The following MAP2K4 variants were observed in gnomAD, a reference collection of about 807,000 sequenced individuals.
MAP2K4 encodes the protein dual specificity mitogen-activated protein kinase kinase 4.
In MAP2K4, 4 loss-of-function variants were observed where a neutral mutation model predicts 48.5. The observed-to-expected ratio is 0.08, with a 90% CI of 0.04 to 0.19. MAP2K4 has a LOEUF of 0.19. Among genes scored for constraint, MAP2K4 ranks in the 10% least tolerant of loss-of-function variants. MAP2K4 has a pLI of 1.00. For synonymous variants in MAP2K4, 166 were observed against 173.1 expected (o/e 0.96, Z 0.32); for missense variants, 258 against 493.3 (o/e 0.52, Z 4.52).
At chr17:12,023,187 G>C (rs1439961818) in intron 1 of MAP2K4, among the ~76,000 whole-genome samples, 9 of 152,116 alleles carry the variant, frequency 5.9e-5, no homozygotes. Context: ...TTTTTCATTA[G>C]TCAGAATGAA....
intron 9 of MAP2K4, among the ~76,000 whole-genome samples, chr17:12,129,894 A>G (rs1042408027): frequency 1.3e-5 from 2 of 152,228 alleles, no homozygotes; most frequent in African/African-American, 4.8e-5. Context: ...GCACCTAAGA[A>G]TAAACATATG....
intron 9 of MAP2K4, among the ~76,000 whole-genome samples, chr17:12,134,436 A>G (rs887883891): frequency 3.9e-5 from 6 of 152,198 alleles, no homozygotes; most frequent in Non-Finnish European, 8.8e-5. Flanking sequence ...ATGGGGGAAA[A>G]TGGTGGCACA....
At chr17:12,099,837 A>C (rs188927280) in intron 4 of MAP2K4, among the ~76,000 whole-genome samples, 1 of 152,360 alleles carries the variant, frequency 6.6e-6, no homozygotes, top group African/African-American at 2.4e-5. Context: ...ATAAAATTTG[A>C]GAATTTCATA....
chr17:12,106,678 C>T lies in MAP2K4; in HGVS notation c.514-1112C>T, dbSNP rs183303910. Among the ~76,000 whole-genome samples, 323 of 152,164 alleles carry T rather than the reference C, an allele frequency of 2.1e-3. 1 individual carries two copies. The highest frequency in any genetic ancestry group is 7.4e-3 in the African/African-American group (308 of 41,536). On this transcript the variant is annotated intron_variant, in intron 4 of 10. Coordinates refer to ENST00000353533, the MANE Select transcript of MAP2K4 (RefSeq NM_003010.4). ...AGCTGTATTTATAAATAAGTAACAA[C>T]ATACAGAACTGTATAATTTTTTAAA...
intron 1 of MAP2K4, among the ~76,000 whole-genome samples, chr17:12,036,947 G>T (rs1969620093): frequency 6.6e-6 from 1 of 151,986 alleles, no homozygotes; most frequent in Non-Finnish European, 1.5e-5. Context: ...TGGCCGAAGA[G>T]TTCTGGAGCT....
At chr17:12,032,434 C>T in intron 1 of MAP2K4, 3 of 410,150 alleles carry the variant, frequency 7.3e-6, no homozygotes, top group Non-Finnish European at 1.3e-5. Flanking sequence ...TTTCATTCTT[C>T]TTCCAAATAT....
chr17:12,071,436 A>G (rs934412169), intron 2 of MAP2K4, among the ~76,000 whole-genome samples: 1 of 152,162 alleles, frequency 6.6e-6, no homozygotes, highest in East Asian at 1.9e-4. Context: ...AGCCTTTGTG[A>G]CACAAACATA....
intron 7 of MAP2K4, chr17:12,115,966 C>T (rs561777686): frequency 1.2e-5 from 5 of 419,968 alleles, no homozygotes; most frequent in African/African-American, 8.2e-5. Context: ...ACTCTTTTCT[C>T]GTTCTTTTTA....
chr17:12,106,083 G>GA (rs1228073665), intron 4 of MAP2K4, among the ~76,000 whole-genome samples: 1 of 152,018 alleles, frequency 6.6e-6, no homozygotes, highest in Admixed American at 6.6e-5. Context: ...GGAGAGCTTG[G>GA]ATAATGTCAG....
At chr17:12,035,187 ATTAACT>A (rs1969554771) in intron 1 of MAP2K4, among the ~76,000 whole-genome samples, 2 of 152,358 alleles carry the variant, frequency 1.3e-5, no homozygotes, top group South Asian at 2.1e-4. Flanking sequence ...GAATATAGAC[ATTAACT>A]TTATGGTAAA....
At chr17:12,131,770 A>G (rs1973033394) in intron 9 of MAP2K4, among the ~76,000 whole-genome samples, 1 of 152,204 alleles carries the variant, frequency 6.6e-6, no homozygotes, top group Non-Finnish European at 1.5e-5. Flanking sequence ...TCCATTGATT[A>G]AAAGACAGCA....
intron 1 of MAP2K4, among the ~76,000 whole-genome samples, chr17:12,046,874 T>C (rs938229826): frequency 1.3e-5 from 2 of 152,132 alleles, no homozygotes; most frequent in African/African-American, 4.8e-5. Flanking sequence ...AAGCGAGTTT[T>C]GGGCTTTTAA....
At chr17:12,103,212 ATTT>A (rs775147472) in intron 4 of MAP2K4, among the ~76,000 whole-genome samples, 2 of 135,120 alleles carry the variant, frequency 1.5e-5, no homozygotes, top group African/African-American at 2.7e-5. Flanking sequence ...TGCTAATTGA[ATTT>A]TTTTTTTTTT....
intron 7 of MAP2K4, chr17:12,115,884 T>C: frequency 1.6e-6 from 1 of 632,390 alleles, no homozygotes; most frequent in South Asian, 1.5e-5. Flanking sequence ...GGACTGTGTA[T>C]TGGACCTCCT....
chr17:12,101,359 GTTT>G (rs1971930188), intron 4 of MAP2K4, among the ~76,000 whole-genome samples: 1 of 151,788 alleles, frequency 6.6e-6, no homozygotes, highest in African/African-American at 2.4e-5. Context: ...TTGATCTGTT[GTTT>G]TTCTGTCTTT....
intron 2 of MAP2K4, among the ~76,000 whole-genome samples, chr17:12,065,179 G>A: frequency 6.6e-6 from 1 of 151,548 alleles, no homozygotes; most frequent in Non-Finnish European, 1.5e-5. Context: ...ATATGCTTAT[G>A]ATTTGTGCAT....
chr17:12,100,491 G>A (rs1449083807), intron 4 of MAP2K4, among the ~76,000 whole-genome samples: 1 of 151,984 alleles, frequency 6.6e-6, no homozygotes, highest in Non-Finnish European at 1.5e-5. Context: ...ATTGTTTTCA[G>A]TTTTTGTCTG....
At position 12,143,134 on chromosome 17, in the gene MAP2K4, A is replaced by G. The variant is rs1344058810; in HGVS notation, c.*1874A>G. 8.6e-6 allele frequency: 2 copies of G among 232,998 alleles called. No individual in the cohort carries two copies. The highest frequency in any genetic ancestry group is 6.0e-5 in the East Asian group (1 of 16,542). 14.4% of individuals were successfully genotyped at this position (232,998 alleles called of 1,614,324 possible). On this transcript the variant is annotated 3_prime_UTR_variant, in exon 11 of 11. Transcript: ENST00000353533. Reference sequence around the variant, plus strand: ...CTGTTCTGAAAGGAGACATTGCTCTATGTCTGCCTTCGACCACAGCAAGCC... The same window carrying G: ...CTGTTCTGAAAGGAGACATTGCTCTGTGTCTGCCTTCGACCACAGCAAGCC...
At chr17:12,026,991 C>G (rs557593248) in intron 1 of MAP2K4, 1 of 152,156 alleles carries the variant, frequency 6.6e-6, no homozygotes, top group African/African-American at 2.4e-5. Context: ...CCTTTTAACA[C>G]TATATATAAA....
Sources: gnomAD v4.1 joint callset for allele counts (sites outside exome capture counted in the v4.1 genomes callset) on GRCh38, gnomAD v4.1.1 for gene constraint, MANE v1.5 for transcripts, NCBI Gene and HGNC (gene_info 2026-07-23, HGNC 2026-07-21) for gene names.